The following FRAS1 variants were observed in gnomAD, a reference collection of about 807,000 sequenced individuals.
The protein encoded by FRAS1 is extracellular matrix organizing protein FRAS1.
A neutral mutation model predicts 435.2 loss-of-function variants in FRAS1; 290 were observed. The ratio of observed to expected loss-of-function variants is 0.67; its 90% confidence interval spans 0.61 to 0.73. FRAS1 has a LOEUF of 0.73. Ranked by LOEUF, FRAS1 falls within the 30% of genes least tolerant of loss-of-function variation. FRAS1 has a pLI of 0.00. For synonymous variants in FRAS1, 1,800 were observed against 1,851.0 expected (o/e 0.97, Z 0.71); for missense variants, 4,860 against 5,001.5 (o/e 0.97, Z 0.85).
At chr4:78,333,151 GA>G in intron 18 of FRAS1, 120 bp from the exon 19 acceptor site, 1 of 1,163,928 alleles carries the variant, frequency 8.6e-7, no homozygotes, top group Non-Finnish European at 1.2e-6. Context: ...CTGTCATTGG[GA>G]AAACCAAGTG....
At chr4:78,384,598 C>G (rs1386727487) in intron 28 of FRAS1, among the ~76,000 whole-genome samples, 1 of 152,022 alleles carries the variant, frequency 6.6e-6, no homozygotes, top group Admixed American at 6.6e-5. Context: ...TGCTACCAGC[C>G]CTTCCAAATA....
chr4:78,066,093 T>TACCTGAGGTCAGGAGTTG, intron 2 of FRAS1, 77 bp downstream of exon 2: 1 of 965,190 alleles, frequency 1.0e-6, no homozygotes, highest in Non-Finnish European at 1.7e-6. Context: ...GTGAGTGAGT[T>TACCTGAGGTCAGGAGTTG]GACCCTATCA....
At chr4:78,390,854 A>G (rs572775887) in intron 29 of FRAS1, among the ~76,000 whole-genome samples, 8 of 152,366 alleles carry the variant, frequency 5.3e-5, no homozygotes, top group Non-Finnish European at 7.3e-5. Flanking sequence ...GGAATGGCCA[A>G]GTGGCTTGTG....
chr4:78,446,818 T>A lies in FRAS1; in HGVS notation c.5948T>A (p.Leu1983Gln). Residue 1983 changes from leucine (L) to glutamine (Q), a missense_variant, in exon 43 of 74, where the codon CTG (leucine) becomes CAG (glutamine). Coordinates refer to ENST00000512123, the MANE Select transcript of FRAS1 (RefSeq NM_025074.7). ...GTGATAAGCAATTCTTCTTTGAGCCTGCAAGACCTGGACACCCCAGATAAT... is the reference window on the plus strand; with the variant it reads ...GTGATAAGCAATTCTTCTTTGAGCCAGCAAGACCTGGACACCCCAGATAAT... Reference protein sequence around the residue: ...GVVISNSSLSLQDLDTPDNEL... With the variant: ...GVVISNSSLSQQDLDTPDNEL... 1 of 1,612,774 alleles carries A rather than the reference T, an allele frequency of 6.2e-7. No homozygotes were observed. The highest frequency in any genetic ancestry group is 8.5e-7 in the Non-Finnish European group (1 of 1,179,424).
At chr4:78,450,092 G>C (rs1301732292) in intron 44 of FRAS1, 59 bp from the exon 45 acceptor site, 2 of 1,389,410 alleles carry the variant, frequency 1.4e-6, no homozygotes, top group African/African-American at 2.9e-5. Context: ...AAAATCATTT[G>C]ACATCCCGTT....
At chr4:78,238,959 G>A (rs182779868) in intron 3 of FRAS1, among the ~76,000 whole-genome samples, 9 of 152,238 alleles carry the variant, frequency 5.9e-5, no homozygotes, top group Admixed American at 3.9e-4. Context: ...ATAAAAAATA[G>A]TATTTTATAA....
At chr4:78,408,610 C>T (rs889080075) in intron 31 of FRAS1, among the ~76,000 whole-genome samples, 1 of 152,150 alleles carries the variant, frequency 6.6e-6, no homozygotes, top group Non-Finnish European at 1.5e-5. Flanking sequence ...TTACTAGCTA[C>T]ACAACTTTGG....
At position 78,165,028 on chromosome 4, in the gene FRAS1, A is replaced by G. The variant is rs537969643; in HGVS notation, c.109-72482A>G. On this transcript the variant is annotated intron_variant, in intron 2 of 73. Transcript: ENST00000512123. Reference sequence around the variant, plus strand: ...TTAAGTCAGATTACAAATTAAAAAGATAAATTTAGAATGATTCTCTTGTTT... The same window carrying G: ...TTAAGTCAGATTACAAATTAAAAAGGTAAATTTAGAATGATTCTCTTGTTT... Among the ~76,000 whole-genome samples the G allele has an allele frequency of 4.1e-4, 62 of 152,342 alleles. 1 individual carries two copies. The South Asian group carries it at 0.013, about 31-fold the overall frequency.
chr4:78,431,211 G>A (rs761111699), intron 37 of FRAS1, among the ~76,000 whole-genome samples: 1 of 152,132 alleles, frequency 6.6e-6, no homozygotes, highest in African/African-American at 2.4e-5. Flanking sequence ...GAATTTTAAA[G>A]AACAACCAGT....
chr4:78,270,398 A>G (rs1726600571), intron 9 of FRAS1, among the ~76,000 whole-genome samples: 1 of 152,148 alleles, frequency 6.6e-6, no homozygotes. Context: ...AGAAAAAGGA[A>G]ACACTCTTTT....
chr4:78,324,852 A>C (rs1425966286), intron 18 of FRAS1, among the ~76,000 whole-genome samples: 2 of 152,082 alleles, frequency 1.3e-5, no homozygotes, highest in African/African-American at 4.8e-5. Flanking sequence ...GAACATGGTC[A>C]GAATGATTAG....
intron 35 of FRAS1, 117 bp from the exon 36 acceptor site, chr4:78,428,978 A>G: frequency 9.7e-7 from 1 of 1,032,958 alleles, no homozygotes; most frequent in Non-Finnish European, 1.4e-6. Context: ...GTTTCTAGCT[A>G]CATATTTGTG....
chr4:78,118,363 A>C (rs1310190985), intron 2 of FRAS1, among the ~76,000 whole-genome samples: 2 of 152,134 alleles, frequency 1.3e-5, no homozygotes, highest in Non-Finnish European at 2.9e-5. Flanking sequence ...ACGCTGTCAG[A>C]CAGGGACATT....
chr4:78,360,716 T>A (rs975456728), intron 20 of FRAS1, among the ~76,000 whole-genome samples: 2 of 152,190 alleles, frequency 1.3e-5, no homozygotes, highest in Non-Finnish European at 2.9e-5. Flanking sequence ...TGAAAAGCAC[T>A]GCTGGGTGAG....
chr4:78,299,379 G>A (rs1728284435), intron 14 of FRAS1, among the ~76,000 whole-genome samples: 1 of 152,144 alleles, frequency 6.6e-6, no homozygotes, highest in Non-Finnish European at 1.5e-5. Context: ...GAGAAGGAGG[G>A]GGACCCCAGA....
At chr4:78,071,247 T>C (rs1217813957) in intron 2 of FRAS1, 5 of 152,230 alleles carry the variant, frequency 3.3e-5, no homozygotes, top group African/African-American at 1.2e-4. Context: ...GTCTCAGATA[T>C]AATACTTTAT....
intron 55 of FRAS1, among the ~76,000 whole-genome samples, 198 bp from the exon 56 acceptor site, chr4:78,479,176 T>C (rs1719937684): frequency 6.6e-6 from 1 of 152,228 alleles, no homozygotes; most frequent in African/African-American, 2.4e-5. Flanking sequence ...TGATGAAGTA[T>C]CTGGGGTATA....
chr4:78,092,587 C>T (rs1223031758), intron 2 of FRAS1, among the ~76,000 whole-genome samples: 2 of 152,166 alleles, frequency 1.3e-5, no homozygotes, highest in African/African-American at 4.8e-5. Context: ...CCAGGTCCCT[C>T]CTACAACACA....
At chr4:78,066,888 A>G (rs1229623975) in intron 2 of FRAS1, among the ~76,000 whole-genome samples, 1 of 152,232 alleles carries the variant, frequency 6.6e-6, no homozygotes, top group Non-Finnish European at 1.5e-5. Flanking sequence ...GATATTCACC[A>G]TAATATCCTT....
Sources: gnomAD v4.1 joint callset for allele counts (sites outside exome capture counted in the v4.1 genomes callset) on GRCh38, gnomAD v4.1.1 for gene constraint, MANE v1.5 for transcripts, NCBI Gene and HGNC (gene_info 2026-07-23, HGNC 2026-07-21) for gene names.